Variants in TNPO3 observed in about 807,000 individuals in gnomAD.
The protein encoded by TNPO3 is transportin 3.
Under a neutral mutation model 122.8 loss-of-function variants are expected in TNPO3, and 65 were observed. The observed-to-expected ratio is 0.53, with a 90% CI of 0.43 to 0.65. The LOEUF (loss-of-function observed/expected upper bound fraction) is 0.65, where lower values mean the gene tolerates loss of function less well. Ranked by LOEUF, TNPO3 falls within the 30% of genes least tolerant of loss-of-function variation. The pLI is 0.00. For synonymous variants in TNPO3, 372 were observed against 411.2 expected (o/e 0.90, Z 1.15); for missense variants, 850 against 1,136.7 (o/e 0.75, Z 3.63).
intron 1 of TNPO3, among the ~76,000 whole-genome samples, chr7:129,020,698 C>A (rs1804386402): frequency 6.6e-6 from 1 of 152,110 alleles, no homozygotes; most frequent in Non-Finnish European, 1.5e-5. Context: ...GCCTTGGCCT[C>A]CCAAAGTGCT....
intron 1 of TNPO3, among the ~76,000 whole-genome samples, chr7:129,031,134 AAAAT>A (rs1424294945): frequency 6.6e-6 from 1 of 152,154 alleles, no homozygotes; most frequent in African/African-American, 2.4e-5. Flanking sequence ...AAAATACAAA[AAAAT>A]AAATAAATAA....
chr7:129,037,193 G>A (rs527272190), intron 1 of TNPO3, among the ~76,000 whole-genome samples: 1 of 152,302 alleles, frequency 6.6e-6, no homozygotes, highest in East Asian at 1.9e-4. Context: ...CCTCAGAAGA[G>A]TTCCACATCC....
chr7:129,045,094 C>T (rs933844550), intron 1 of TNPO3, among the ~76,000 whole-genome samples: 1 of 152,068 alleles, frequency 6.6e-6, no homozygotes, highest in African/African-American at 2.4e-5. Flanking sequence ...GAGAATAGCC[C>T]ATCACAAAAA....
intron 1 of TNPO3, among the ~76,000 whole-genome samples, chr7:129,044,412 A>C (rs571429837): frequency 1.8e-4 from 27 of 152,356 alleles, no homozygotes; most frequent in Admixed American, 8.5e-4. Flanking sequence ...TGTGGGCTTG[A>C]GAAAAAAATA....
At chr7:129,018,597 A>G (rs1426277923) in intron 1 of TNPO3, among the ~76,000 whole-genome samples, 1 of 152,222 alleles carries the variant, frequency 6.6e-6, no homozygotes, top group East Asian at 1.9e-4. Flanking sequence ...GTTTTAATAT[A>G]TCTATAAATA....
At chr7:129,030,038 A>G (rs567290016) in intron 1 of TNPO3, 4 of 153,676 alleles carry the variant, frequency 2.6e-5, no homozygotes, top group African/African-American at 9.6e-5. Flanking sequence ...AAAAGAAAGA[A>G]AGAAAAAAAA....
intron 12 of TNPO3, 147 bp from the exon 13 acceptor site, chr7:128,984,406 A>C (rs1309960748): frequency 6.0e-6 from 3 of 501,258 alleles, no homozygotes; most frequent in Non-Finnish European, 7.0e-6. Context: ...AAATGACAAC[A>C]CTTTGTTATT....
At chr7:129,008,004 C>A (rs2150401827) in intron 4 of TNPO3, among the ~76,000 whole-genome samples, 1 of 152,020 alleles carries the variant, frequency 6.6e-6, no homozygotes, top group African/African-American at 2.4e-5. Flanking sequence ...CAAAAATTAG[C>A]CAGGTGTGGT....
intron 1 of TNPO3, among the ~76,000 whole-genome samples, chr7:129,050,099 G>C (rs1808532873): frequency 1.3e-5 from 2 of 151,946 alleles, no homozygotes; most frequent in African/African-American, 4.8e-5. Flanking sequence ...GTGAGGTGGG[G>C]TGGGCTGGGC....
chr7:128,995,786 C>T (rs1226200916), intron 8 of TNPO3, among the ~76,000 whole-genome samples: 1 of 152,176 alleles, frequency 6.6e-6, no homozygotes, highest in Admixed American at 6.5e-5. Flanking sequence ...GCAACCTCCA[C>T]CTCCTGGGTT....
intron 16 of TNPO3, 67 bp downstream of exon 16, chr7:128,978,916 G>A (rs1438472741): frequency 6.3e-7 from 1 of 1,577,032 alleles, no homozygotes; most frequent in Non-Finnish European, 8.6e-7. Flanking sequence ...ACAGACGTGA[G>A]CCACCGCACC....
At chr7:128,979,836 T>C in intron 15 of TNPO3, 135 bp downstream of exon 15, 2 of 790,714 alleles carry the variant, frequency 2.5e-6, no homozygotes, top group South Asian at 3.0e-5. Context: ...CTGTCCCTCA[T>C]TTCATTGAAA....
chr7:129,040,635 C>T (rs187522125), intron 1 of TNPO3, among the ~76,000 whole-genome samples: 187 of 152,060 alleles, frequency 1.2e-3, no homozygotes, highest in Non-Finnish European at 2.1e-3. Context: ...TTGGAAATTG[C>T]ACCTTTTAAT....
intron 4 of TNPO3, among the ~76,000 whole-genome samples, chr7:129,011,721 TGAAAA>T (rs1803222526): frequency 6.6e-6 from 1 of 152,110 alleles, no homozygotes; most frequent in African/African-American, 2.4e-5. Context: ...CTTACTAACT[TGAAAA>T]GGTAAGCAGA....
chr7:129,031,825 AT>A (rs907086297), intron 1 of TNPO3, among the ~76,000 whole-genome samples: 2 of 152,168 alleles, frequency 1.3e-5, no homozygotes, highest in African/African-American at 2.4e-5. Flanking sequence ...TCAATAGCAT[AT>A]TTTTTCTCAA....
At chr7:129,005,305 T>A in intron 4 of TNPO3, 146 bp from the exon 5 acceptor site, 1 of 47,476 alleles carries the variant, frequency 2.1e-5, no homozygotes, top group South Asian at 6.2e-4. Flanking sequence ...AGTGTCACTG[T>A]TTTTTTTTTT....
intron 4 of TNPO3, among the ~76,000 whole-genome samples, chr7:129,012,395 C>T (rs2150415447): frequency 6.6e-6 from 1 of 152,110 alleles, no homozygotes. Context: ...ACTTGCTATA[C>T]TGAAACACAT....
chr7:128,994,484 TG>T (rs1385184432), intron 8 of TNPO3, among the ~76,000 whole-genome samples: 3 of 151,994 alleles, frequency 2.0e-5, no homozygotes, highest in African/African-American at 7.2e-5. Flanking sequence ...CAGCTTGTTT[TG>T]TTGTTGGAAA....
chr7:129,009,895 C>T (rs1328963089), intron 4 of TNPO3, among the ~76,000 whole-genome samples: 2 of 151,496 alleles, frequency 1.3e-5, no homozygotes, highest in Non-Finnish European at 2.9e-5. Flanking sequence ...TCCCTCCACA[C>T]TTCTCATGTG....
Sources: gnomAD v4.1 joint callset for allele counts (sites outside exome capture counted in the v4.1 genomes callset) on GRCh38, gnomAD v4.1.1 for gene constraint, MANE v1.5 for transcripts, NCBI Gene and HGNC (gene_info 2026-07-23, HGNC 2026-07-21) for gene names.